Variants in GATAD2B observed in about 807,000 individuals in gnomAD.
GATAD2B encodes the protein transcriptional repressor p66-beta.
In GATAD2B, 8 loss-of-function variants were observed where a neutral mutation model predicts 64.3. The observed-to-expected ratio is 0.12, with a 90% CI of 0.07 to 0.22. The LOEUF (loss-of-function observed/expected upper bound fraction) is 0.22, where lower values mean the gene tolerates loss of function less well. Ranked by LOEUF, GATAD2B falls within the 10% of genes least tolerant of loss-of-function variation. The pLI is 1.00. For synonymous variants in GATAD2B, 281 were observed against 271.3 expected, an observed-to-expected ratio of 1.04 and a Z score of -0.35; for missense variants, 453 against 752.0, an observed-to-expected ratio of 0.60 and a Z score of 4.65.
rs867959746 is a variant in GATAD2B, at chr1:153,810,135, G to A, written c.*42C>T. ...AGTTGGGGGAATGAAAGAGGAAAGG[G>A]ATAAAGGATTCAAGGATGGGGCAGT... On this transcript the variant is annotated 3_prime_UTR_variant, in exon 11 of 11. Transcript: ENST00000368655. The A allele has an allele frequency of 6.3e-7, 1 of 1,580,542 alleles. No homozygotes were observed. Among genetic ancestry groups the A allele is most frequent in the Non-Finnish European group, 8.6e-7 (1 of 1,160,340 alleles).
intron 2 of GATAD2B, among the ~76,000 whole-genome samples, 181 bp from the exon 3 acceptor site, chr1:153,819,916 T>C (rs2101883437): frequency 6.6e-6 from 1 of 152,130 alleles, no homozygotes; most frequent in Admixed American, 6.5e-5. Flanking sequence ...CTGACCGACA[T>C]GGTGAAACCC....
chr1:153,861,807 T>TACAC (rs1676299053), intron 1 of GATAD2B, among the ~76,000 whole-genome samples: 1 of 108,064 alleles, frequency 9.3e-6, no homozygotes, highest in African/African-American at 3.1e-5. Context: ...TATATATATA[T>TACAC]ATACACATAT....
intron 1 of GATAD2B, among the ~76,000 whole-genome samples, chr1:153,885,118 GT>G (rs1677139013): frequency 6.6e-6 from 1 of 152,010 alleles, no homozygotes; most frequent in Admixed American, 6.6e-5. Context: ...CTTAAATGAA[GT>G]CACTCATACA....
intron 1 of GATAD2B, among the ~76,000 whole-genome samples, chr1:153,909,159 C>G (rs1678041327): frequency 6.6e-6 from 1 of 152,088 alleles, no homozygotes; most frequent in African/African-American, 2.4e-5. Context: ...GAGCCATGAT[C>G]ACACAACTGC....
intron 1 of GATAD2B, chr1:153,890,866 G>A (rs1045318917): frequency 6.6e-6 from 1 of 152,148 alleles, no homozygotes; most frequent in African/African-American, 2.4e-5. Context: ...CTGGCAAAAA[G>A]TAAACCATGC....
chr1:153,907,961 C>T (rs1271657166), intron 1 of GATAD2B, among the ~76,000 whole-genome samples: 7 of 152,154 alleles, frequency 4.6e-5, no homozygotes, highest in Non-Finnish European at 7.3e-5. Flanking sequence ...TGCGCCACCA[C>T]GTTCAGCTAA....
intron 1 of GATAD2B, among the ~76,000 whole-genome samples, chr1:153,845,177 T>C (rs1480913618): frequency 6.6e-6 from 1 of 152,008 alleles, no homozygotes; most frequent in Non-Finnish European, 1.5e-5. Flanking sequence ...GATATAACAA[T>C]AGTGTGGTAC....
chr1:153,810,072 G>T lies in GATAD2B; in HGVS notation c.*105C>A. 2.7e-6 allele frequency: 3 copies of T among 1,122,484 alleles called. No homozygotes were observed. The highest frequency in any genetic ancestry group is 3.8e-6 in the Non-Finnish European group (3 of 793,182). 69.5% of individuals were successfully genotyped at this position (1,122,484 alleles called of 1,614,324 possible). A position where few individuals can be genotyped will look rare whatever the true frequency, so the allele number is the denominator to read the frequency against. Reference sequence around the variant, plus strand: ...TCTGTTTTTCTGTTTTGCTTTCCGTGTATGGTAGGCACCAGTACAGGCACT... The same window carrying T: ...TCTGTTTTTCTGTTTTGCTTTCCGTTTATGGTAGGCACCAGTACAGGCACT... On this transcript the variant is annotated 3_prime_UTR_variant, in exon 11 of 11. Transcript: ENST00000368655.
intron 1 of GATAD2B, among the ~76,000 whole-genome samples, chr1:153,847,003 C>A (rs539481032): frequency 2.0e-4 from 31 of 152,244 alleles, no homozygotes; most frequent in African/African-American, 7.5e-4. Context: ...ATTGCTCTGT[C>A]ACCCAGGTTG....
At chr1:153,815,724 G>A (rs1026262380) in intron 7 of GATAD2B, among the ~76,000 whole-genome samples, 1 of 152,000 alleles carries the variant, frequency 6.6e-6, no homozygotes, top group Non-Finnish European at 1.5e-5. Flanking sequence ...ATAGATGATA[G>A]ATTAGATAGA....
At chr1:153,915,238 A>T (rs1358699246) in intron 1 of GATAD2B, among the ~76,000 whole-genome samples, 1 of 152,176 alleles carries the variant, frequency 6.6e-6, no homozygotes, top group Non-Finnish European at 1.5e-5. Context: ...CAGCCTGGCC[A>T]ACGTGGTGAA....
At chr1:153,904,120 A>T (rs1677857668) in intron 1 of GATAD2B, among the ~76,000 whole-genome samples, 1 of 152,086 alleles carries the variant, frequency 6.6e-6, no homozygotes, top group Non-Finnish European at 1.5e-5. Flanking sequence ...TCTCTACTAA[A>T]AATACAAATA....
intron 7 of GATAD2B, among the ~76,000 whole-genome samples, chr1:153,814,635 G>T (rs933948086): frequency 6.6e-6 from 1 of 152,050 alleles, no homozygotes; most frequent in African/African-American, 2.4e-5. Flanking sequence ...TTAGCTAGGT[G>T]TGATGGCACA....
intron 1 of GATAD2B, among the ~76,000 whole-genome samples, chr1:153,893,441 T>C (rs1353823250): frequency 5.9e-5 from 9 of 151,504 alleles, no homozygotes; most frequent in Admixed American, 5.9e-4. Context: ...ACCCAGTCTC[T>C]ACAAAAAAAG....
chr1:153,848,981 C>G (rs528558376), intron 1 of GATAD2B, among the ~76,000 whole-genome samples: 2 of 151,608 alleles, frequency 1.3e-5, no homozygotes, highest in African/African-American at 4.8e-5. Context: ...AAACCCCCCC[C>G]CTCCCCCAGA....
At chr1:153,842,683 T>C (rs1675539356) in intron 1 of GATAD2B, among the ~76,000 whole-genome samples, 1 of 152,062 alleles carries the variant, frequency 6.6e-6, no homozygotes, top group Admixed American at 6.6e-5. Context: ...AGATGGAGTT[T>C]CACTCGTTGC....
intron 1 of GATAD2B, among the ~76,000 whole-genome samples, chr1:153,897,402 T>C (rs1485434175): frequency 1.3e-5 from 2 of 152,162 alleles, no homozygotes; most frequent in African/African-American, 4.8e-5. Flanking sequence ...GATTTTGGCT[T>C]TTCTGTTTCT....
intron 1 of GATAD2B, among the ~76,000 whole-genome samples, chr1:153,846,051 AT>A (rs1675676806): frequency 6.7e-6 from 1 of 148,850 alleles, no homozygotes; most frequent in Non-Finnish European, 1.5e-5. Flanking sequence ...TACCTACAAC[AT>A]TTTTTTCGTT....
At chr1:153,872,724 T>C (rs1676710013) in intron 1 of GATAD2B, among the ~76,000 whole-genome samples, 1 of 152,204 alleles carries the variant, frequency 6.6e-6, no homozygotes, top group Non-Finnish European at 1.5e-5. Flanking sequence ...CTAAATAACG[T>C]ACTTTGTTGG....
Sources: gnomAD v4.1 joint callset for allele counts (sites outside exome capture counted in the v4.1 genomes callset) on GRCh38, gnomAD v4.1.1 for gene constraint, MANE v1.5 for transcripts, NCBI Gene and HGNC (gene_info 2026-07-23, HGNC 2026-07-21) for gene names.